Variants in SLIT3 observed in about 807,000 individuals in gnomAD.
SLIT3 encodes the protein slit homolog 3 protein.
Under a neutral mutation model 184.0 loss-of-function variants are expected in SLIT3, and 68 were observed. The ratio of observed to expected loss-of-function variants is 0.37; its 90% confidence interval spans 0.30 to 0.45. The LOEUF is 0.45. SLIT3 is among the 20% of genes least tolerant of loss of function. The probability of loss-of-function intolerance (pLI) is 1.00; values close to 1 mark genes in which losing one functional copy is unlikely to be tolerated. For missense variants in SLIT3, 1,707 were observed against 2,026.0 expected, an observed-to-expected ratio of 0.84 and a Z score of 3.02; for synonymous variants, 831 against 828.6, an observed-to-expected ratio of 1.00 and a Z score of -0.05.
intron 4 of SLIT3, among the ~76,000 whole-genome samples, chr5:168,978,177 C>T (rs1035957296): frequency 1.7e-4 from 26 of 152,292 alleles, no homozygotes; most frequent in African/African-American, 6.3e-4. Context: ...AGGAAAGACA[C>T]CCAGGACCTC....
At chr5:169,203,188 G>A (rs1296761514) in intron 3 of SLIT3, among the ~76,000 whole-genome samples, 4 of 152,144 alleles carry the variant, frequency 2.6e-5, no homozygotes, top group Non-Finnish European at 5.9e-5. Context: ...CCCAGAGGCC[G>A]TAGCCAATAG....
chr5:168,872,705 C>T (rs1038202308), intron 5 of SLIT3, among the ~76,000 whole-genome samples: 5 of 139,930 alleles, frequency 3.6e-5, no homozygotes, highest in Non-Finnish European at 7.5e-5. Flanking sequence ...GTGGCACAAT[C>T]TCAGCTCACT....
chr5:168,730,641 GAAATTA>G (rs1763265612), intron 20 of SLIT3, among the ~76,000 whole-genome samples: 1 of 151,172 alleles, frequency 6.6e-6, no homozygotes, highest in South Asian at 2.1e-4. Context: ...GGTCAACAAA[GAAATTA>G]AAATTAAAAT....
intron 2 of SLIT3, among the ~76,000 whole-genome samples, chr5:169,250,734 T>C (rs6869667): frequency 1.3e-5 from 2 of 152,166 alleles, no homozygotes; most frequent in Non-Finnish European, 2.9e-5. Flanking sequence ...CAAGTAAAGA[T>C]GGAAAATAAA....
chr5:169,132,017 C>T (rs996405037), intron 4 of SLIT3, among the ~76,000 whole-genome samples: 1 of 152,174 alleles, frequency 6.6e-6, no homozygotes, highest in Non-Finnish European at 1.5e-5. Context: ...GTCTTCCACA[C>T]CATCCTAGAA....
chr5:168,673,055 C>T, intron 33 of SLIT3, 122 bp downstream of exon 33: 1 of 877,022 alleles, frequency 1.1e-6, no homozygotes, highest in Non-Finnish European at 1.8e-6. Flanking sequence ...TTTTAGAGAT[C>T]AGCTTCGTTG....
At chr5:168,761,437 G>A (rs938909896) in intron 15 of SLIT3, among the ~76,000 whole-genome samples, 18 of 152,042 alleles carry the variant, frequency 1.2e-4, no homozygotes, top group African/African-American at 4.1e-4. Context: ...AAATTAGAGA[G>A]GACAACAATA....
At chr5:169,068,677 C>A (rs552479542) in intron 4 of SLIT3, among the ~76,000 whole-genome samples, 2 of 152,090 alleles carry the variant, frequency 1.3e-5, no homozygotes, top group Non-Finnish European at 2.9e-5. Context: ...TGCATGTAGG[C>A]CAACCCCCAG....
intron 1 of SLIT3, among the ~76,000 whole-genome samples, chr5:169,267,862 A>T (rs1043746766): frequency 2.6e-5 from 4 of 152,232 alleles, no homozygotes; most frequent in Non-Finnish European, 5.9e-5. Flanking sequence ...TGCAGGACAC[A>T]TCTTGGTTAA....
chr5:169,108,678 A>T (rs1760304235), intron 4 of SLIT3, among the ~76,000 whole-genome samples: 1 of 152,050 alleles, frequency 6.6e-6, no homozygotes, highest in Admixed American at 6.6e-5. Flanking sequence ...TTGAGAAGGA[A>T]GTCCCTCCAC....
At chr5:168,951,580 A>G (rs1561569397) in intron 4 of SLIT3, among the ~76,000 whole-genome samples, 1 of 152,254 alleles carries the variant, frequency 6.6e-6, no homozygotes, top group Non-Finnish European at 1.5e-5. Context: ...CTTAATGTCA[A>G]CACTGGTTAC....
chr5:169,208,177 A>G (rs895838156), intron 3 of SLIT3, among the ~76,000 whole-genome samples: 2 of 152,228 alleles, frequency 1.3e-5, no homozygotes, highest in African/African-American at 4.8e-5. Flanking sequence ...AGAAATTCAT[A>G]TTCTGTGAAG....
chr5:169,124,259 T>C (rs565805204), intron 4 of SLIT3, among the ~76,000 whole-genome samples: 62 of 152,336 alleles, frequency 4.1e-4, no homozygotes, highest in Non-Finnish European at 7.1e-4. Context: ...GGAGTTGTAC[T>C]GGGAAATAAA....
chr5:168,884,513 A>AAAT (rs140004593), intron 4 of SLIT3, among the ~76,000 whole-genome samples: 9,464 of 115,402 alleles, frequency 0.082, 643 homozygotes, highest in Non-Finnish European at 0.11. Flanking sequence ...GGTAAAAAAA[A>AAAT]AACGTTGCAG....
intron 4 of SLIT3, among the ~76,000 whole-genome samples, chr5:168,987,338 ACTAT>A (rs1243101504): frequency 6.6e-6 from 1 of 152,058 alleles, no homozygotes; most frequent in Non-Finnish European, 1.5e-5. Flanking sequence ...TCCCACCCAG[ACTAT>A]CTATGTGGTC....
chr5:169,156,355 C>A (rs781715768), intron 4 of SLIT3, among the ~76,000 whole-genome samples: 1 of 152,236 alleles, frequency 6.6e-6, no homozygotes, highest in Non-Finnish European at 1.5e-5. Context: ...GTAACATCCT[C>A]TTTAATGCCC....
chr5:168,882,787 C>G (rs1760006215), intron 5 of SLIT3, among the ~76,000 whole-genome samples: 1 of 152,136 alleles, frequency 6.6e-6, no homozygotes, highest in Non-Finnish European at 1.5e-5. Flanking sequence ...AGTCCCCATG[C>G]TCTCTCAGGA....
At chr5:169,083,997 C>T (rs1284022710) in intron 4 of SLIT3, among the ~76,000 whole-genome samples, 1 of 152,200 alleles carries the variant, frequency 6.6e-6, no homozygotes, top group African/African-American at 2.4e-5. Flanking sequence ...GGGCAGTCTC[C>T]ACCTTACCAG....
In SLIT3 at chr5:168,669,937, G is replaced by A. The variant is rs548348163; in HGVS notation, c.4182C>T (p.Ala1394=). 6.2e-6 allele frequency: 10 copies of A among 1,614,102 alleles called. No individual in the cohort carries two copies. The highest frequency in any genetic ancestry group is 2.7e-5 in the African/African-American group (2 of 75,004). ...CACACAAGTCCCCTCCATAGCCCTC[G>A]GCACACTTGCACATGTATGAGGTCC... ...ATGTSYMCKC[A]EGYGGDLCDN... The change falls in exon 35 of 36, where the codon GCC becomes GCT. Residue 1394 remains alanine, a synonymous_variant. Coordinates refer to ENST00000519560, the MANE Select transcript of SLIT3 (RefSeq NM_003062.4).
Sources: gnomAD v4.1 joint callset for allele counts (sites outside exome capture counted in the v4.1 genomes callset) on GRCh38, gnomAD v4.1.1 for gene constraint, MANE v1.5 for transcripts, NCBI Gene and HGNC (gene_info 2026-07-23, HGNC 2026-07-21) for gene names.